The following LPP variants were observed in gnomAD, a reference collection of about 807,000 sequenced individuals.
LPP encodes the protein lipoma-preferred partner.
LPP carries 38 observed loss-of-function variants against 60.4 expected under a neutral mutation model. The observed-to-expected ratio is 0.63, with a 90% CI of 0.49 to 0.83. The LOEUF is 0.83. LPP is among the 40% of genes least tolerant of loss of function. The pLI is 0.00. For missense variants in LPP, 902 were observed against 783.6 expected (o/e 1.15, Z -1.80); for synonymous variants, 328 against 290.8 (o/e 1.13, Z -1.30).
intron 6 of LPP, among the ~76,000 whole-genome samples, chr3:188,600,808 G>GT (rs1560617977): frequency 2.0e-5 from 3 of 150,274 alleles, no homozygotes; most frequent in African/African-American, 7.4e-5. Context: ...TATGGTATTT[G>GT]TTTTTTGTTT....
At chr3:188,532,884 G>C (rs1002953492) in intron 6 of LPP, among the ~76,000 whole-genome samples, 1 of 152,232 alleles carries the variant, frequency 6.6e-6, no homozygotes, top group Admixed American at 6.5e-5. Flanking sequence ...GTTGGGGGCT[G>C]GTCCTTTCTG....
intron 2 of LPP, among the ~76,000 whole-genome samples, chr3:188,243,825 CT>C (rs1237271270): frequency 1.3e-5 from 2 of 152,050 alleles, no homozygotes; most frequent in Non-Finnish European, 2.9e-5. Flanking sequence ...CACTCTGACA[CT>C]AATCTGAGTT....
chr3:188,356,214 C>T (rs1767567467), intron 3 of LPP, among the ~76,000 whole-genome samples: 2 of 152,214 alleles, frequency 1.3e-5, no homozygotes, highest in African/African-American at 4.8e-5. Flanking sequence ...ACTTCTTTTT[C>T]CTACTAAAAG....
intron 5 of LPP, 118 bp from the exon 6 acceptor site, chr3:188,524,547 A>C: frequency 2.0e-6 from 2 of 1,014,968 alleles, no homozygotes; most frequent in Non-Finnish European, 1.4e-6. Context: ...AGCTTAATTA[A>C]AAAAAAAAGA....
intron 1 of LPP, chr3:188,212,992 G>A (rs1413863607): frequency 6.6e-6 from 1 of 152,182 alleles, no homozygotes; most frequent in Non-Finnish European, 1.5e-5. Flanking sequence ...CTTACAGTGG[G>A]ATTTCAAGAC....
chr3:188,660,440 A>G (rs1854321377), intron 7 of LPP, among the ~76,000 whole-genome samples: 1 of 152,138 alleles, frequency 6.6e-6, no homozygotes, highest in Admixed American at 6.6e-5. Flanking sequence ...TAGTCACAAA[A>G]CTCCTTTCAG....
chr3:188,860,273 C>T (rs544780540), intron 9 of LPP, among the ~76,000 whole-genome samples: 1 of 152,112 alleles, frequency 6.6e-6, no homozygotes, highest in South Asian at 2.1e-4. Context: ...TTAAGTTAGG[C>T]AATAGCAGTA....
chr3:188,481,504 C>T (rs1314164584), intron 4 of LPP, among the ~76,000 whole-genome samples: 4 of 151,778 alleles, frequency 2.6e-5, no homozygotes, highest in Non-Finnish European at 1.5e-5. Context: ...CTTTTTTGTT[C>T]GTTTTGACCC....
chr3:188,727,798 C>T (rs1718974761), intron 8 of LPP, among the ~76,000 whole-genome samples: 1 of 152,108 alleles, frequency 6.6e-6, no homozygotes, highest in Non-Finnish European at 1.5e-5. Context: ...GAGTCTTAGG[C>T]AGTTCAGTAC....
chr3:188,789,494 A>G (rs1429494211), intron 9 of LPP, among the ~76,000 whole-genome samples: 1 of 152,202 alleles, frequency 6.6e-6, no homozygotes, highest in Non-Finnish European at 1.5e-5. Context: ...GTTCTGTCAC[A>G]TGGTGTGGCC....
chr3:188,526,435 G>T (rs952000599), intron 6 of LPP, among the ~76,000 whole-genome samples: 2 of 152,042 alleles, frequency 1.3e-5, no homozygotes. Flanking sequence ...GGGATTCCAG[G>T]TGCCTGCCAC....
At chr3:188,761,180 C>A (rs886996425) in intron 9 of LPP, among the ~76,000 whole-genome samples, 1 of 152,094 alleles carries the variant, frequency 6.6e-6, no homozygotes, top group Non-Finnish European at 1.5e-5. Flanking sequence ...TCCCTCAGTG[C>A]CCAGAGATTT....
chr3:188,343,796 T>C (rs1166350509), intron 3 of LPP, among the ~76,000 whole-genome samples: 1 of 152,094 alleles, frequency 6.6e-6, no homozygotes, highest in African/African-American at 2.4e-5. Flanking sequence ...GAGAAGTAAA[T>C]AGTCTGGGAG....
chr3:188,838,680 AAAG>A (rs1324132103), intron 9 of LPP, among the ~76,000 whole-genome samples: 1 of 152,190 alleles, frequency 6.6e-6, no homozygotes, highest in Non-Finnish European at 1.5e-5. Flanking sequence ...GCAGCCATAA[AAAG>A]GGATGAGTTC....
chr3:188,494,038 C>G (rs1809203286), intron 5 of LPP, among the ~76,000 whole-genome samples: 2 of 152,142 alleles, frequency 1.3e-5, no homozygotes. Context: ...CTAGCTTGCA[C>G]TTAAACCTTT....
intron 1 of LPP, among the ~76,000 whole-genome samples, chr3:188,157,811 G>A (rs1016823088): frequency 2.0e-5 from 3 of 151,944 alleles, no homozygotes; most frequent in East Asian, 1.9e-4. Flanking sequence ...GGGGGTGTCT[G>A]AGCTGAACCT....
chr3:188,734,434 A>G (rs1721770485), intron 8 of LPP, among the ~76,000 whole-genome samples: 1 of 152,218 alleles, frequency 6.6e-6, no homozygotes, highest in South Asian at 2.1e-4. Context: ...TCAGCTGGGA[A>G]CACTAAATAC....
At chr3:188,647,737 A>G (rs1156289449) in intron 7 of LPP, among the ~76,000 whole-genome samples, 1 of 152,224 alleles carries the variant, frequency 6.6e-6, no homozygotes, top group Non-Finnish European at 1.5e-5. Flanking sequence ...CGTTCTTTGA[A>G]GAAGAGTCAC....
intron 6 of LPP, among the ~76,000 whole-genome samples, chr3:188,600,471 T>C (rs1049185298): frequency 6.6e-6 from 1 of 151,524 alleles, no homozygotes; most frequent in Non-Finnish European, 1.5e-5. Context: ...TATCAACAGG[T>C]ATAAAACAAT....
Sources: gnomAD v4.1 joint callset for allele counts (sites outside exome capture counted in the v4.1 genomes callset) on GRCh38, gnomAD v4.1.1 for gene constraint, MANE v1.5 for transcripts, NCBI Gene and HGNC (gene_info 2026-07-23, HGNC 2026-07-21) for gene names.